PCDH10: variants seen among roughly 807,000 people sequenced by gnomAD.
The protein encoded by PCDH10 is protocadherin-10.
PCDH10 carries 15 observed loss-of-function variants against 74.4 expected under a neutral mutation model. That is an observed-to-expected ratio of 0.20 (90% CI 0.13 to 0.31). The LOEUF is 0.31. Ranked by LOEUF, PCDH10 falls within the 10% of genes least tolerant of loss-of-function variation. The pLI is 1.00. For synonymous variants in PCDH10, 619 were observed against 589.8 expected (o/e 1.05, Z -0.72); for missense variants, 1,260 against 1,390.2 (o/e 0.91, Z 1.49).
Position 133,150,735 on chromosome 4 carries a change from T to C in PCDH10, c.595T>C (p.Tyr199His), listed in dbSNP as rs761536772. Residue 199 changes from tyrosine (Y) to histidine (H), a missense_variant, in exon 1 of 5, where the codon TAC becomes CAC. Tyr to His is a moderately conservative substitution (Grantham distance 83, BLOSUM62 2). Transcript: ENST00000264360. ...LDREQQAVHR[Y>H]VLTAVDGGGG... is the part of the protein sequence containing the mutation. ...CCGAGAGCAGCAAGCGGTGCACCGC[T>C]ACGTGCTGACCGCGGTGGACGGAGG... The C allele has an allele frequency of 6.2e-6, 10 of 1,606,226 alleles. No individual in the cohort carries two copies. The African/African-American group carries it at 1.2e-4, about 20-fold the overall frequency.
rs1435419002 is a variant in PCDH10, at chr4:133,151,053, C to G, written c.913C>G (p.Pro305Ala). 1 of 1,613,978 alleles carries G rather than the reference C, an allele frequency of 6.2e-7. No individual in the cohort carries two copies. Among genetic ancestry groups the G allele is most frequent in the African/African-American group, 1.3e-5 (1 of 75,060 alleles). Residue 305 changes from proline to alanine, a missense_variant, in exon 1 of 5, where the codon CCG becomes GCG. Transcript: ENST00000264360. ...GGCGCGGGAGCTTTTCGGACTCTCG[C>G]CGCGCACTGGCAGACTGGAGGTAAG... ...PRARELFGLS[P>A]RTGRLEVSGE...
intron 4 of PCDH10, among the ~76,000 whole-genome samples, chr4:133,165,806 T>A (rs2125864503): frequency 6.6e-6 from 1 of 151,754 alleles, no homozygotes; most frequent in South Asian, 2.1e-4. Flanking sequence ...ACAAAAGAGA[T>A]CAATGTCAGT....
downstream of PCDH10, among the ~76,000 whole-genome samples, chr4:133,198,220 C>T (rs1272125875): frequency 1.3e-5 from 2 of 151,920 alleles, no homozygotes; most frequent in East Asian, 3.9e-4. Flanking sequence ...TGCGTGAAAA[C>T]CACCCTTATT....
Position 133,150,285 on chromosome 4 carries a change from T to C in PCDH10, c.145T>C (p.Ser49Pro). ...TCTGGGTCTGGACATTACAAAACTT[T>C]CGGCTCGCGGGTTTCAGACGGTGCC... is the stretch of plus-strand genomic sequence containing the variant. ...EDLGLDITKL[S>P]ARGFQTVPNS... The change falls in exon 1 of 5, where the codon TCG becomes CCG. Residue 49 changes from serine to proline, a missense_variant. Ser to Pro is a moderately conservative substitution (Grantham distance 74). Around this residue, in one of 11 missense-constraint regions of PCDH10, gnomAD observed 103 missense variants for 91.5 expected, o/e 1.13. Coordinates refer to ENST00000264360, the MANE Select transcript of PCDH10 (RefSeq NM_032961.3). 1 of 1,613,990 alleles carries C rather than the reference T, an allele frequency of 6.2e-7. No homozygotes were observed. The highest frequency in any genetic ancestry group is 8.5e-7 in the Non-Finnish European group (1 of 1,179,986).
At chr4:133,172,025 A>AT (rs1282563713) in intron 4 of PCDH10, among the ~76,000 whole-genome samples, 2 of 152,040 alleles carry the variant, frequency 1.3e-5, no homozygotes, top group Non-Finnish European at 2.9e-5. Flanking sequence ...ATTTTAAAAT[A>AT]TTTTTTAAAT....
chr4:133,207,339 A>C (rs1051022495), intron 2 of PCDH10, among the ~76,000 whole-genome samples: 2 of 152,212 alleles, frequency 1.3e-5, no homozygotes, highest in African/African-American at 4.8e-5. Flanking sequence ...GGCAACTAGC[A>C]AGCTTCAATA....
In PCDH10 at chr4:133,163,101, T is replaced by C. The variant is rs1421678991; in HGVS notation, c.2922T>C (p.His974=). The C allele has an allele frequency of 6.2e-7, 1 of 1,614,156 alleles. No individual in the cohort carries two copies. The highest frequency in any genetic ancestry group is 2.2e-5 in the East Asian group (1 of 44,862). ...RQAADYRSNL[H]VPGMDSVPDT... Reference sequence around the variant, plus strand: ...CTGCTGATTATCGCAGCAATCTGCATGTTCCTGGCATGGACTCTGTTCCAG... The same window carrying C: ...CTGCTGATTATCGCAGCAATCTGCACGTTCCTGGCATGGACTCTGTTCCAG... Residue 974 remains histidine (H), a synonymous_variant, in exon 4 of 5, where the codon CAT becomes CAC. Coordinates refer to ENST00000264360, the MANE Select transcript of PCDH10 (RefSeq NM_032961.3).
Position 133,152,290 on chromosome 4 carries a change from T to G in PCDH10, c.2150T>G (p.Ile717Ser). 1 of 1,613,990 alleles carries G rather than the reference T, an allele frequency of 6.2e-7. No individual in the cohort carries two copies. The highest frequency in any genetic ancestry group is 1.1e-5 in the South Asian group (1 of 91,078). ...GAAACCTCGCTAGACCTCACCCTCA[T>G]CCTCATCATCGCGTTGGGCTCGGTG... Reference protein sequence around the residue: ...GGETSLDLTLILIIALGSVSF... With the variant: ...GGETSLDLTLSLIIALGSVSF... The change falls in exon 1 of 5, where the codon ATC becomes AGC. Residue 717 changes from isoleucine (I) to serine (S), a missense_variant. Around this residue, in one of 11 missense-constraint regions of PCDH10, gnomAD observed 587 missense variants for 616.9 expected, o/e 0.95. Coordinates refer to ENST00000264360, the MANE Select transcript of PCDH10 (RefSeq NM_032961.3).
intron 4 of PCDH10, among the ~76,000 whole-genome samples, chr4:133,172,069 A>T (rs963392084): frequency 1.2e-4 from 18 of 152,062 alleles, no homozygotes; most frequent in African/African-American, 4.3e-4. Context: ...CAGTAGAGAG[A>T]ATAGTGTACT....
intron 3 of PCDH10, among the ~76,000 whole-genome samples, chr4:133,156,138 C>T (rs1726859290): frequency 1.3e-5 from 2 of 152,284 alleles, no homozygotes; most frequent in East Asian, 1.9e-4. Flanking sequence ...AGCACCCATT[C>T]CTTAACACAC....
rs1726632942 is a variant in PCDH10, at chr4:133,150,359, G to T, written c.219G>T (p.Leu73=). 4 of 1,613,906 alleles carry T rather than the reference G, an allele frequency of 2.5e-6. No homozygotes were observed. In the East Asian group the frequency reaches 8.9e-5, roughly 36 times the overall value. ...YLDLNLETGV[L]YVNEKIDREQ... is the part of the protein sequence containing the mutation. ...ACCTCAACCTGGAGACAGGGGTGCTGTACGTGAACGAGAAAATAGACCGCG... is the reference window on the plus strand; with the variant it reads ...ACCTCAACCTGGAGACAGGGGTGCTTTACGTGAACGAGAAAATAGACCGCG... The change falls in exon 1 of 5, where the codon CTG becomes CTT. Residue 73 remains leucine, a synonymous_variant. Transcript: ENST00000264360.
At chr4:133,162,889 C>T in intron 3 of PCDH10, 88 bp from the exon 4 acceptor site, 1 of 1,111,420 alleles carries the variant, frequency 9.0e-7, no homozygotes, top group South Asian at 1.6e-5. Context: ...TCACTTGTCA[C>T]CCTTTATGCT....
intron 4 of PCDH10, among the ~76,000 whole-genome samples, chr4:133,189,866 T>C (rs1727622183): frequency 6.6e-6 from 1 of 152,044 alleles, no homozygotes; most frequent in Non-Finnish European, 1.5e-5. Context: ...GTAGATAACT[T>C]TAAAAAGTTA....
intron 2 of PCDH10, among the ~76,000 whole-genome samples, chr4:133,201,291 A>G (rs146217483): frequency 6.6e-6 from 1 of 152,170 alleles, no homozygotes; most frequent in African/African-American, 2.4e-5. Context: ...TTAATTACCT[A>G]CTATTCACCC....
At chr4:133,159,285 G>A (rs1187447646) in intron 3 of PCDH10, among the ~76,000 whole-genome samples, 2 of 152,060 alleles carry the variant, frequency 1.3e-5, no homozygotes, top group East Asian at 3.8e-4. Flanking sequence ...CACTGCCTGT[G>A]AGTGTACAGG....
At chr4:133,153,061 T>C (rs1374146471) in intron 1 of PCDH10, 1 of 1,368,496 alleles carries the variant, frequency 7.3e-7, no homozygotes, top group African/African-American at 1.5e-5. Flanking sequence ...CCCTTCTCAG[T>C]AACCTGGGCA....
intron 4 of PCDH10, among the ~76,000 whole-genome samples, chr4:133,182,169 C>T (rs975795488): frequency 1.3e-5 from 2 of 151,962 alleles, no homozygotes; most frequent in Non-Finnish European, 2.9e-5. Flanking sequence ...TAGATTTATA[C>T]AAGCACAACA....
Position 133,150,334 on chromosome 4 carries a change from A to G in PCDH10, c.194A>G (p.Asp65Gly). ...CCCAACTCAAGGACCCCTTACTTAG[A>G]CCTCAACCTGGAGACAGGGGTGCTG... is the stretch of plus-strand genomic sequence containing the variant. ...TVPNSRTPYL[D>G]LNLETGVLYV... The change falls in exon 1 of 5, where the codon GAC becomes GGC. Residue 65 changes from aspartate (D) to glycine (G), a missense_variant. Coordinates refer to ENST00000264360, the MANE Select transcript of PCDH10 (RefSeq NM_032961.3). 1.9e-6 allele frequency: 3 copies of G among 1,613,648 alleles called. No individual in the cohort carries two copies. Among genetic ancestry groups the G allele is most frequent in the Non-Finnish European group, 1.7e-6 (2 of 1,179,854 alleles).
At chr4:133,163,370 C>T (rs1000677163) in intron 4 of PCDH10, 88 bp downstream of exon 4, 2 of 1,241,324 alleles carry the variant, frequency 1.6e-6, no homozygotes, top group African/African-American at 3.0e-5. Context: ...AAATGGAGTT[C>T]AGGTTTTTTT....
Sources: allele counts gnomAD v4.1 joint callset (sites outside exome capture counted in the v4.1 genomes callset), GRCh38; gene constraint gnomAD v4.1.1; regional missense constraint gnomAD v4.1.1; transcripts MANE v1.5; gene names NCBI Gene and HGNC (gene_info 2026-07-23, HGNC 2026-07-21).